The following CSMD2 variants were observed in gnomAD, a reference collection of about 807,000 sequenced individuals.
CSMD2 encodes CUB and Sushi multiple domains 2.
A neutral mutation model predicts 398.5 loss-of-function variants in CSMD2; 130 were observed. The ratio of observed to expected loss-of-function variants is 0.33; its 90% CI spans 0.28 to 0.38. CSMD2 has a LOEUF of 0.38. Among genes scored for constraint, CSMD2 ranks in the 10% least tolerant of loss-of-function variants. The pLI is 1.00. For synonymous variants in CSMD2, 1,828 were observed against 1,908.5 expected (o/e 0.96, Z 1.10); for missense variants, 3,829 against 4,764.9 (o/e 0.80, Z 5.78).
At chr1:33,760,912 G>A (rs1021093244) in intron 13 of CSMD2, among the ~76,000 whole-genome samples, 5 of 152,010 alleles carry the variant, frequency 3.3e-5, no homozygotes, top group Admixed American at 2.6e-4. Context: ...CCTCAATCCA[G>A]CAAGACCCCA....
chr1:33,848,285 T>C (rs1029621870), intron 5 of CSMD2, among the ~76,000 whole-genome samples: 1 of 152,190 alleles, frequency 6.6e-6, no homozygotes, highest in African/African-American at 2.4e-5. Flanking sequence ...GGGGGCTGCA[T>C]GTAAGAAGAC....
chr1:33,904,479 T>C (rs1358965627), intron 5 of CSMD2, among the ~76,000 whole-genome samples: 3 of 152,208 alleles, frequency 2.0e-5, no homozygotes, highest in Non-Finnish European at 4.4e-5. Context: ...TCGCTACTGT[T>C]CCATTTTCTG....
At chr1:33,536,929 G>A in intron 62 of CSMD2, 93 bp downstream of exon 62, 1 of 1,213,740 alleles carries the variant, frequency 8.2e-7, no homozygotes, top group African/African-American at 1.5e-5. Flanking sequence ...CTCCCTGAGT[G>A]CTGTCCTGAG....
chr1:34,078,523 T>G (rs546575333), intron 2 of CSMD2, among the ~76,000 whole-genome samples: 5 of 152,232 alleles, frequency 3.3e-5, no homozygotes, highest in African/African-American at 1.2e-4. Flanking sequence ...CCGGACCACG[T>G]AAGCATCTAT....
chr1:34,076,076 T>C lies in CSMD2; in HGVS notation c.404+12901A>G, dbSNP rs138767876. Among the ~76,000 whole-genome samples the C allele has an allele frequency of 7.3e-3, 1,108 of 152,290 alleles. 14 individuals are homozygous for C. Among genetic ancestry groups the C allele is most frequent in the African/African-American group, 0.024 (1,013 of 41,564 alleles). ...GAATAGCTCCAGATGAAATGTGAGATGCTTTCAAGGAGATGGCTATGAACT... is the reference window on the plus strand; with the variant it reads ...GAATAGCTCCAGATGAAATGTGAGACGCTTTCAAGGAGATGGCTATGAACT... On this transcript the variant is annotated intron_variant, in intron 2 of 70. Transcript: ENST00000373381.
intron 3 of CSMD2, among the ~76,000 whole-genome samples, chr1:34,009,682 G>A (rs934285956): frequency 2.0e-5 from 3 of 152,024 alleles, no homozygotes; most frequent in East Asian, 3.9e-4. Context: ...ATATAGTAGC[G>A]CTTAACTCCT....
chr1:33,889,908 C>T (rs1558059262), intron 5 of CSMD2, among the ~76,000 whole-genome samples: 1 of 151,938 alleles, frequency 6.6e-6, no homozygotes, highest in Non-Finnish European at 1.5e-5. Flanking sequence ...TTATTCTGTA[C>T]TCTCAGGTAT....
intron 9 of CSMD2, among the ~76,000 whole-genome samples, chr1:33,818,125 A>G (rs1262933516): frequency 6.6e-6 from 1 of 152,234 alleles, no homozygotes; most frequent in African/African-American, 2.4e-5. Flanking sequence ...AGATCCCACC[A>G]CTGCAAAAGG....
intron 20 of CSMD2, among the ~76,000 whole-genome samples, chr1:33,714,978 A>C (rs1471861839): frequency 6.6e-6 from 1 of 152,166 alleles, no homozygotes; most frequent in Non-Finnish European, 1.5e-5. Context: ...GCAGAGGCAG[A>C]GAGAAACATG....
chr1:33,945,463 G>C (rs145017596), intron 3 of CSMD2, among the ~76,000 whole-genome samples: 182 of 152,248 alleles, frequency 1.2e-3, no homozygotes, highest in African/African-American at 4.2e-3. Context: ...AAATGGGGCA[G>C]AGGAAAAGGG....
rs541706753 is a variant in CSMD2 at position 33,775,161 on chromosome 1, A to C, written c.1664-2410T>G. Among the ~76,000 whole-genome samples, 44 of 152,280 alleles carry C rather than the reference A, an allele frequency of 2.9e-4. 1 individual carries two copies. Among genetic ancestry groups the C allele is most frequent in the Admixed American group, 2.0e-3 (30 of 15,312 alleles). ...ATGACAAATAATATCTTAGTGCGAT[A>C]TTTTTTTCTAGAAAATTACAATTAA... On this transcript the variant is annotated intron_variant, in intron 12 of 70. Transcript: ENST00000373381.
intron 25 of CSMD2, among the ~76,000 whole-genome samples, chr1:33,664,562 G>T (rs1313798671): frequency 1.3e-5 from 2 of 152,126 alleles, no homozygotes; most frequent in African/African-American, 4.8e-5. Context: ...AGCACTTTGG[G>T]AGGCTGAGGT....
At chr1:33,955,918 C>T (rs1251040146) in intron 3 of CSMD2, among the ~76,000 whole-genome samples, 1 of 152,130 alleles carries the variant, frequency 6.6e-6, no homozygotes. Flanking sequence ...CCTATGGTGG[C>T]CACACCAGTG....
intron 13 of CSMD2, among the ~76,000 whole-genome samples, chr1:33,751,456 T>C (rs1648232131): frequency 6.6e-6 from 1 of 152,152 alleles, no homozygotes; most frequent in Non-Finnish European, 1.5e-5. Flanking sequence ...GTGAGAGCAA[T>C]TTCAGAGACG....
At position 33,537,029 on chromosome 1, in the gene CSMD2, C is replaced by T. The variant is rs1285240692; in HGVS notation, c.9872G>A (p.Gly3291Asp). Residue 3291 changes from glycine (G) to aspartate (D), a missense_variant, in exon 62 of 71, where the codon GGC (glycine) becomes GAC (aspartate). Around this residue, in one of 5 missense-constraint regions of CSMD2, gnomAD observed 917 missense variants for 1,199.5 expected, o/e 0.76. Transcript: ENST00000373381. This position sits in a 1 kb window ranked among gnomAD's most constrained non-coding sequence, Gnocchi z 4.6. ...CTTGGCTGACCTCCTTACCTGGTAG[C>T]CCTGAGAATTGTTCTGTATCCCAAA... is the stretch of plus-strand genomic sequence containing the variant. Reference protein sequence around the residue: ...PQFGIQNNSQGYQVGSTVLFR... With the variant: ...PQFGIQNNSQDYQVGSTVLFR... 1.2e-6 allele frequency: 2 copies of T among 1,614,148 alleles called. No homozygotes were observed. The highest frequency in any genetic ancestry group is 1.7e-6 in the Non-Finnish European group (2 of 1,180,020).
At chr1:34,132,152 G>C (rs1487285711) in intron 1 of CSMD2, among the ~76,000 whole-genome samples, 2 of 152,006 alleles carry the variant, frequency 1.3e-5, no homozygotes, top group South Asian at 2.1e-4. Context: ...CTCGCCTCTG[G>C]AACAGACTCG....
At chr1:33,871,831 G>C (rs1640490737) in intron 5 of CSMD2, among the ~76,000 whole-genome samples, 1 of 152,098 alleles carries the variant, frequency 6.6e-6, no homozygotes, top group South Asian at 2.1e-4. Flanking sequence ...TTGCCAGGCT[G>C]GGCTCGAACT....
rs113967443 is a variant in CSMD2, at chr1:34,101,114, C to T, written c.188-11921G>A. ...GCTTTGTCCTTTCATGCCCATGAAACGTTGAATTTCTTTCAAGAAAAAGTC... is the reference window on the plus strand; with the variant it reads ...GCTTTGTCCTTTCATGCCCATGAAATGTTGAATTTCTTTCAAGAAAAAGTC... On this transcript the variant is annotated intron_variant, in intron 1 of 70. Coordinates refer to ENST00000373381, the MANE Select transcript of CSMD2 (RefSeq NM_001281956.2). 6.1e-3 allele frequency among the ~76,000 whole-genome samples: 922 copies of T among 152,312 alleles called. 9 individuals carry two copies. The highest frequency in any genetic ancestry group is 0.021 in the African/African-American group (854 of 41,570).
chr1:33,521,443 G>A lies in CSMD2; in HGVS notation c.10597+20C>T, dbSNP rs1285933154. On this transcript the variant is annotated intron_variant, in intron 68 of 70. Transcript: ENST00000373381. Reference sequence around the variant, plus strand: ...CCCACCCACCCGGGCCCACACTTCCGGGGGACAAGCACTAGTTACCCAGTC... The same window carrying A: ...CCCACCCACCCGGGCCCACACTTCCAGGGGACAAGCACTAGTTACCCAGTC... The A allele has an allele frequency of 2.1e-6, 2 of 940,592 alleles. No homozygotes were observed. The highest frequency in any genetic ancestry group is 3.0e-5 in the East Asian group (1 of 33,370). 58.3% of individuals were successfully genotyped at this position (940,592 alleles called of 1,614,324 possible).
Sources: gnomAD v4.1 joint callset for allele counts (sites outside exome capture counted in the v4.1 genomes callset) on GRCh38, gnomAD v4.1.1 for gene constraint, gnomAD v4.1.1 regional missense constraint, Gnocchi (gnomAD v3.1) non-coding constraint, MANE v1.5 for transcripts, NCBI Gene and HGNC (gene_info 2026-07-23, HGNC 2026-07-21) for gene names.